Variants in QSOX2 observed in about 807,000 individuals in gnomAD.
QSOX2 encodes quiescin sulfhydryl oxidase 2, also known as sulfhydryl oxidase 2.
QSOX2 carries 46 observed loss-of-function variants against 61.7 expected under a neutral mutation model. The observed-to-expected ratio is 0.75, with a 90% CI of 0.59 to 0.95. The LOEUF is 0.95. QSOX2 is among the 40% of genes least tolerant of loss of function. The pLI is 0.00. For missense variants in QSOX2, 879 were observed against 918.9 expected (o/e 0.96, Z 0.56); for synonymous variants, 383 against 388.4 (o/e 0.99, Z 0.16).
At chr9:136,218,287 G>A (rs1410516207) in intron 8 of QSOX2, among the ~76,000 whole-genome samples, 2 of 152,274 alleles carry the variant, frequency 1.3e-5, no homozygotes, top group African/African-American at 4.8e-5. Context: ...ACCCCACCTG[G>A]ATCTGCACAG....
intron 1 of QSOX2, among the ~76,000 whole-genome samples, chr9:136,243,844 T>C (rs1830450558): frequency 1.3e-5 from 2 of 152,242 alleles, no homozygotes. Flanking sequence ...CTGTTCTTCC[T>C]GTCGTGACTG....
At position 136,245,463 on chromosome 9, in the gene QSOX2, G is replaced by C. The variant is rs892097254; in HGVS notation, c.328+13C>G. The C allele has an allele frequency of 1.3e-6, 2 of 1,581,692 alleles. No individual in the cohort carries two copies. Among genetic ancestry groups the C allele is most frequent in the African/African-American group, 2.7e-5 (2 of 73,316 alleles). On this transcript the variant is annotated intron_variant, in intron 1 of 11. Coordinates refer to ENST00000358701, the MANE Select transcript of QSOX2 (RefSeq NM_181701.4). ...CGGGGGTCGGGGGGTCCCCGCGCGG[G>C]GGCGCGCCTCACCTCGCACATCCCC...
rs768115349 is a variant in QSOX2 at position 136,208,785 on chromosome 9, G to A, written c.2040C>T (p.Phe680=). Reference sequence around the variant, plus strand: ...ACCGCCTGGACCTCACCCGGAAGAAGAAGTACATCACCATGAGGAACAGGG... The same window carrying A: ...ACCGCCTGGACCTCACCCGGAAGAAAAAGTACATCACCATGAGGAACAGGG... ...ASSLFLMVMY[F]FFRVRSRRWK... is the part of the protein sequence containing the mutation. The change falls in exon 12 of 12, where the codon TTC becomes TTT. Residue 680 remains phenylalanine, a synonymous_variant. Transcript: ENST00000358701. The A allele has an allele frequency of 1.9e-6, 3 of 1,613,922 alleles. No homozygotes were observed. The highest frequency in any genetic ancestry group is 2.5e-6 in the Non-Finnish European group (3 of 1,180,020).
chr9:136,214,637 C>T (rs1831886974), intron 10 of QSOX2, among the ~76,000 whole-genome samples: 1 of 151,778 alleles, frequency 6.6e-6, no homozygotes, highest in South Asian at 2.1e-4. Flanking sequence ...CCTTGGGTGA[C>T]CCCCCAGGCC....
At chr9:136,238,776 G>A (rs977781436) in intron 1 of QSOX2, among the ~76,000 whole-genome samples, 3 of 152,248 alleles carry the variant, frequency 2.0e-5, no homozygotes, top group African/African-American at 7.2e-5. Context: ...AAGAAGACAA[G>A]CACCGTTTAC....
chr9:136,237,347 T>C (rs1311175979), intron 1 of QSOX2, among the ~76,000 whole-genome samples: 59 of 62,748 alleles, frequency 9.4e-4, no homozygotes, highest in Middle Eastern at 0.016. Flanking sequence ...CCGGCGTCAC[T>C]TGGAGCCTGT....
intron 9 of QSOX2, among the ~76,000 whole-genome samples, chr9:136,216,108 G>C (rs908661815): frequency 6.6e-6 from 1 of 152,216 alleles, no homozygotes; most frequent in Non-Finnish European, 1.5e-5. Context: ...TTTACTGCCC[G>C]CGAGTAAACA....
chr9:136,224,773 G>A, intron 3 of QSOX2, 88 bp downstream of exon 3: 2 of 829,410 alleles, frequency 2.4e-6, no homozygotes, highest in Non-Finnish European at 1.9e-6. Flanking sequence ...GACCCAGGCT[G>A]GGAGCTCCCC....
intron 10 of QSOX2, among the ~76,000 whole-genome samples, chr9:136,212,431 T>C (rs746388762): frequency 6.6e-6 from 1 of 152,258 alleles, no homozygotes; most frequent in Non-Finnish European, 1.5e-5. Flanking sequence ...ACGCTTGTCG[T>C]GGCTCCCTGC....
At chr9:136,216,228 G>T (rs1385319477) in intron 9 of QSOX2, among the ~76,000 whole-genome samples, 1 of 152,218 alleles carries the variant, frequency 6.6e-6, no homozygotes, top group Admixed American at 6.5e-5. Context: ...GGCACCTGCT[G>T]GCACCTGGTC....
intron 1 of QSOX2, among the ~76,000 whole-genome samples, chr9:136,240,899 G>A (rs1292156503): frequency 3.3e-5 from 5 of 152,246 alleles, no homozygotes; most frequent in Admixed American, 3.3e-4. Flanking sequence ...GGGAATGACA[G>A]TCCCTCAGCC....
Position 136,222,568 on chromosome 9 carries a change from C to T in QSOX2, c.676-627G>A, listed in dbSNP as rs772236448. Among the ~76,000 whole-genome samples the T allele has an allele frequency of 4.6e-5, 7 of 152,194 alleles. No homozygotes were observed. Among genetic ancestry groups the T allele is most frequent in the African/African-American group, 4.8e-5 (2 of 41,438 alleles). ...GCCCTGGCTAAAGGTGTGAACTGGG[C>T]GCCCCGCGTGGCCGTGCCTCTCCTG... On this transcript the variant is annotated intron_variant, in intron 5 of 11. Coordinates refer to ENST00000358701, the MANE Select transcript of QSOX2 (RefSeq NM_181701.4). This position sits in a 1 kb window ranked among gnomAD's most constrained non-coding sequence, Gnocchi z 6.9.
chr9:136,231,316 C>T (rs12353077), intron 1 of QSOX2, among the ~76,000 whole-genome samples: 3,557 of 152,330 alleles, frequency 0.023, 123 homozygotes, highest in African/African-American at 0.075. Flanking sequence ...GAAGACTCCC[C>T]GTCACGCAGG....
At position 136,209,115 on chromosome 9, in the gene QSOX2, CGT is replaced by C; in HGVS notation, c.1708_1709del (p.Thr570ValfsTer10). ...QHYGRDNLLD[T>X]YSADQGDSSE... is the part of the protein sequence containing the mutation. ...TGGAATCCCCCTGGTCTGCGGAATA[CGT>C]GTCTAAGAGGTTGTCGCGGCCATAG... On this transcript the variant is annotated frameshift_variant, in exon 12 of 12. Coordinates refer to ENST00000358701, the MANE Select transcript of QSOX2 (RefSeq NM_181701.4). LOFTEE classifies it low-confidence loss of function (END_TRUNC). This position sits in a 1 kb window ranked among gnomAD's most constrained non-coding sequence, Gnocchi z 5.6. 1 of 1,614,182 alleles carries C rather than the reference CGT, an allele frequency of 6.2e-7. No homozygotes were observed. The highest frequency in any genetic ancestry group is 8.5e-7 in the Non-Finnish European group (1 of 1,180,020).
chr9:136,245,130 CAT>C (rs1416591333), intron 1 of QSOX2, among the ~76,000 whole-genome samples: 1 of 152,134 alleles, frequency 6.6e-6, no homozygotes, highest in Non-Finnish European at 1.5e-5. Flanking sequence ...GGGCTCAAAA[CAT>C]AGGTATTTTG....
At chr9:136,215,376 T>G in intron 9 of QSOX2, 72 bp from the exon 10 acceptor site, 132 of 904,356 alleles carry the variant, frequency 1.5e-4, no homozygotes, top group East Asian at 1.8e-4. Flanking sequence ...AGTCGACAGC[T>G]GCCTTCTTGA....
intron 1 of QSOX2, among the ~76,000 whole-genome samples, chr9:136,235,217 G>A (rs1030618972): frequency 2.0e-5 from 3 of 152,226 alleles, no homozygotes; most frequent in Admixed American, 1.3e-4. Context: ...GAGGATCGGC[G>A]GGGTCAAAGG....
chr9:136,208,594 A>C lies in QSOX2; in HGVS notation c.*134T>G. The C allele has an allele frequency of 9.4e-7, 1 of 1,065,368 alleles. No homozygotes were observed. The highest frequency in any genetic ancestry group is 1.3e-6 in the Non-Finnish European group (1 of 772,096). 66.0% of individuals were successfully genotyped at this position (1,065,368 alleles called of 1,614,324 possible). A position where few individuals can be genotyped will look rare whatever the true frequency, so the allele number is the denominator to read the frequency against. ...TTTGTAAAACCAGGACTTTGAAGCCAAAAGGTGCCATCCGATGTGAAACCA... is the reference window on the plus strand; with the variant it reads ...TTTGTAAAACCAGGACTTTGAAGCCCAAAGGTGCCATCCGATGTGAAACCA... On this transcript the variant is annotated 3_prime_UTR_variant, in exon 12 of 12. Transcript: ENST00000358701.
chr9:136,221,819 A>G lies in QSOX2; in HGVS notation c.798T>C (p.Asn266=). ...ACACGTTAATCAATCCATGCGACCC[A>G]TTTGGGTAGATCAGGTAACACGAAG... The part of the protein sequence containing the change: ...SVPSCYLIYP[N]GSHGLINVVK... Residue 266 remains asparagine, a synonymous_variant, in exon 6 of 12, where the codon AAT becomes AAC. Transcript: ENST00000358701. The surrounding 1 kb of genome is among the most constrained non-coding windows in gnomAD (Gnocchi z 4.5). The G allele has an allele frequency of 1.9e-6, 3 of 1,611,112 alleles. No individual in the cohort carries two copies. Among genetic ancestry groups the G allele is most frequent in the Non-Finnish European group, 1.7e-6 (2 of 1,178,686 alleles).
Sources: allele counts gnomAD v4.1 joint callset (sites outside exome capture counted in the v4.1 genomes callset), GRCh38; gene constraint gnomAD v4.1.1; non-coding constraint Gnocchi (gnomAD v3.1); transcripts MANE v1.5; gene names NCBI Gene and HGNC (gene_info 2026-07-23, HGNC 2026-07-21).